Variants in UQCC1 observed in about 807,000 individuals in gnomAD.
UQCC1 encodes the protein ubiquinol-cytochrome c reductase complex assembly factor 1, also known as bFGF-repressed Zic-binding protein.
A neutral mutation model predicts 48.0 loss-of-function variants in UQCC1; 38 were observed. That is an observed-to-expected ratio of 0.79 (90% CI 0.61 to 1.04). UQCC1 has a LOEUF of 1.04. Among genes scored for constraint, UQCC1 ranks in the 50% least tolerant of loss-of-function variants. UQCC1 has a pLI of 0.00. For missense variants in UQCC1, 368 were observed against 381.8 expected (o/e 0.96, Z 0.30); for synonymous variants, 111 against 129.2 (o/e 0.86, Z 0.95).
intron 7 of UQCC1, among the ~76,000 whole-genome samples, chr20:35,331,954 T>C (rs2061262240): frequency 6.6e-6 from 1 of 152,216 alleles, no homozygotes; most frequent in Admixed American, 6.5e-5. Context: ...CACATAACTG[T>C]GCGTGACTTA....
chr20:35,394,237 T>C, intron 1 of UQCC1, 41 bp from the exon 2 acceptor site: 1 of 1,533,474 alleles, frequency 6.5e-7, no homozygotes, highest in East Asian at 2.3e-5. Flanking sequence ...ATCTAAATCA[T>C]ACTCCCTACA....
intron 5 of UQCC1, among the ~76,000 whole-genome samples, chr20:35,367,835 A>T (rs1349668890): frequency 6.6e-6 from 1 of 152,204 alleles, no homozygotes; most frequent in African/African-American, 2.4e-5. Flanking sequence ...TGAATAAGAA[A>T]GCATATTGTA....
At chr20:35,361,620 A>G (rs1014053165) in intron 6 of UQCC1, among the ~76,000 whole-genome samples, 2 of 152,204 alleles carry the variant, frequency 1.3e-5, no homozygotes, top group Non-Finnish European at 2.9e-5. Context: ...TAGTTACTTT[A>G]GTAGTTATAA....
At chr20:35,347,109 A>G (rs745447818) in intron 7 of UQCC1, 55 bp downstream of exon 7, 1 of 1,614,126 alleles carries the variant, frequency 6.2e-7, no homozygotes, top group Non-Finnish European at 8.5e-7. Context: ...AAAACTCCAA[A>G]CTCAAACCCT....
chr20:35,374,157 T>C, intron 5 of UQCC1, 27 bp downstream of exon 5: 1 of 1,568,264 alleles, frequency 6.4e-7, no homozygotes. Context: ...TTGTTCTCCT[T>C]TTCAGTACTA....
intron 1 of UQCC1, among the ~76,000 whole-genome samples, chr20:35,404,252 C>T (rs2062213977): frequency 6.6e-6 from 1 of 152,264 alleles, no homozygotes; most frequent in South Asian, 2.1e-4. Context: ...GCCTGTAGTC[C>T]CAGCTACTCG....
At chr20:35,372,050 G>A (rs899039522) in intron 5 of UQCC1, among the ~76,000 whole-genome samples, 8 of 151,832 alleles carry the variant, frequency 5.3e-5, no homozygotes, top group Non-Finnish European at 1.0e-4. Flanking sequence ...GGTGGCTCAC[G>A]CCTGTAATCC....
chr20:35,382,875 T>C (rs1469191437), intron 3 of UQCC1, among the ~76,000 whole-genome samples: 1 of 152,142 alleles, frequency 6.6e-6, no homozygotes, highest in Non-Finnish European at 1.5e-5. Context: ...ACCTAATAGA[T>C]GCCCTCCAAA....
At chr20:35,346,305 T>C (rs2146386325) in intron 7 of UQCC1, 1 of 152,392 alleles carries the variant, frequency 6.6e-6, no homozygotes, top group South Asian at 2.1e-4. Flanking sequence ...GTTCTTTCGG[T>C]CTTCACCATA....
intron 6 of UQCC1, among the ~76,000 whole-genome samples, chr20:35,359,433 A>G (rs1479741624): frequency 6.6e-6 from 1 of 152,198 alleles, no homozygotes; most frequent in Non-Finnish European, 1.5e-5. Context: ...GTAGAGTTCA[A>G]AGGAATAGGA....
At chr20:35,389,302 T>G (rs1568702500) in intron 2 of UQCC1, among the ~76,000 whole-genome samples, 1 of 152,092 alleles carries the variant, frequency 6.6e-6, no homozygotes, top group African/African-American at 2.4e-5. Flanking sequence ...AGCCGGGTGC[T>G]TATAATTTGC....
intron 7 of UQCC1, chr20:35,344,513 C>T (rs1459059990): frequency 2.0e-5 from 3 of 152,236 alleles, no homozygotes; most frequent in African/African-American, 7.2e-5. Flanking sequence ...GCCTGGCAGT[C>T]AGCCAGGGCT....
intron 7 of UQCC1, among the ~76,000 whole-genome samples, chr20:35,339,105 G>C (rs1348856897): frequency 1.3e-5 from 2 of 151,406 alleles, no homozygotes; most frequent in South Asian, 2.1e-4. Context: ...TTTTTCAAAG[G>C]GGGAGGGTAG....
chr20:35,311,575 C>T (rs1258138569), intron 8 of UQCC1, among the ~76,000 whole-genome samples: 2 of 152,186 alleles, frequency 1.3e-5, no homozygotes, highest in Admixed American at 1.3e-4. Context: ...TGGCTGCACC[C>T]CCATCACGTG....
chr20:35,337,855 C>A (rs904846022), intron 7 of UQCC1, among the ~76,000 whole-genome samples: 1 of 152,006 alleles, frequency 6.6e-6, no homozygotes, highest in African/African-American at 2.4e-5. Flanking sequence ...TATCTTAATC[C>A]CACCTTTCTG....
chr20:35,327,518 C>T (rs117015941), intron 7 of UQCC1, among the ~76,000 whole-genome samples: 2,571 of 152,270 alleles, frequency 0.017, 34 homozygotes, highest in Non-Finnish European at 0.025. Flanking sequence ...GGCTCCTAGT[C>T]CAAGTTTTTT....
intron 5 of UQCC1, among the ~76,000 whole-genome samples, chr20:35,371,938 C>T (rs1176953669): frequency 6.6e-6 from 1 of 151,784 alleles, no homozygotes; most frequent in Admixed American, 6.6e-5. Flanking sequence ...GTTGCTTGAG[C>T]CCAGGAGTAA....
At chr20:35,368,295 C>T (rs1451975060) in intron 5 of UQCC1, among the ~76,000 whole-genome samples, 2 of 152,146 alleles carry the variant, frequency 1.3e-5, no homozygotes. Flanking sequence ...TTACTATGTG[C>T]CAGATGTTCT....
chr20:35,362,717 T>C (rs924309956), intron 6 of UQCC1, among the ~76,000 whole-genome samples: 2 of 152,022 alleles, frequency 1.3e-5, no homozygotes, highest in South Asian at 2.1e-4. Context: ...TGCATGTGTG[T>C]GCGTGTGTGT....
Sources: allele counts gnomAD v4.1 joint callset (sites outside exome capture counted in the v4.1 genomes callset), GRCh38; gene constraint gnomAD v4.1.1; transcripts MANE v1.5; gene names NCBI Gene and HGNC (gene_info 2026-07-23, HGNC 2026-07-21).